Variants in INTU observed in about 807,000 individuals in gnomAD.
INTU encodes the protein protein inturned.
In INTU, 68 loss-of-function variants were observed where a neutral mutation model predicts 100.5. The observed-to-expected ratio is 0.68, with a 90% CI of 0.56 to 0.83. INTU has a LOEUF of 0.83. Ranked by LOEUF, INTU falls within the 40% of genes least tolerant of loss-of-function variation. The probability of loss-of-function intolerance (pLI) is 0.00; values close to 1 mark genes in which losing one functional copy is unlikely to be tolerated. For missense variants in INTU, 1,071 were observed against 1,114.7 expected (o/e 0.96, Z 0.56); for synonymous variants, 357 against 395.7 (o/e 0.90, Z 1.16).
chr4:127,643,848 CA>C lies in INTU; in HGVS notation c.477del (p.Asp160MetfsTer2). 6.2e-7 allele frequency: 1 copy of C among 1,614,014 alleles called. No individual in the cohort carries two copies. On this transcript the variant is annotated frameshift_variant, in exon 2 of 16. Coordinates refer to ENST00000335251, the MANE Select transcript of INTU (RefSeq NM_015693.4). LOFTEE classifies it high-confidence loss of function. Reference protein sequence around the residue: ...KTGVIVQQRYKDVNVYVNPKK... With the variant: ...KTGVIVQQRYXDVNVYVNPKK... Reference sequence around the variant, plus strand: ...CAGGAGTCATTGTCCAACAGCGATACAAAGATGTGAATGTTTATGTAAACCC... The same window carrying C: ...CAGGAGTCATTGTCCAACAGCGATACAAGATGTGAATGTTTATGTAAACCC...
intron 12 of INTU, among the ~76,000 whole-genome samples, chr4:127,708,119 G>C (rs1730962371): frequency 6.6e-6 from 1 of 152,096 alleles, no homozygotes; most frequent in South Asian, 2.1e-4. Context: ...AAAAAGATTT[G>C]GACAGATTAA....
In INTU at chr4:127,705,442, C is replaced by G. The variant is rs957382732; in HGVS notation, c.1567-149C>G. On this transcript the variant is annotated intron_variant, in intron 10 of 15. Transcript: ENST00000335251. ...TCTACTTTGACCTCAAGAAAAGAAA[C>G]ATTTACTTTTACTATATCTTCATTT... The G allele has an allele frequency of 1.2e-5, 8 of 650,524 alleles. No homozygotes were observed. The African/African-American group carries it at 1.3e-4, about 10-fold the overall frequency. 40.3% of individuals were successfully genotyped at this position (650,524 alleles called of 1,614,324 possible).
At chr4:127,640,962 A>G (rs1004506934) in intron 1 of INTU, among the ~76,000 whole-genome samples, 2 of 152,174 alleles carry the variant, frequency 1.3e-5, no homozygotes, top group South Asian at 4.1e-4. Flanking sequence ...TACTCACAAA[A>G]GGATGCATGA....
At chr4:127,705,956 T>C in intron 11 of INTU, 144 bp downstream of exon 11, 1 of 637,706 alleles carries the variant, frequency 1.6e-6, no homozygotes, top group Non-Finnish European at 2.7e-6. Context: ...GTAAAATTAT[T>C]AGTATGTCTA....
chr4:127,645,114 A>G (rs1189774195), intron 2 of INTU, among the ~76,000 whole-genome samples: 2 of 152,154 alleles, frequency 1.3e-5, no homozygotes, highest in African/African-American at 2.4e-5. Flanking sequence ...GTGGCAAAGT[A>G]TGTGTTCCAG....
chr4:127,682,063 C>T (rs1447383612), intron 6 of INTU, among the ~76,000 whole-genome samples: 2 of 150,308 alleles, frequency 1.3e-5, no homozygotes, highest in Admixed American at 1.3e-4. Flanking sequence ...GATACCGTCT[C>T]ACACCAGTTA....
At chr4:127,697,889 G>A (rs1373159226) in intron 8 of INTU, among the ~76,000 whole-genome samples, 2 of 152,166 alleles carry the variant, frequency 1.3e-5, no homozygotes, top group African/African-American at 4.8e-5. Context: ...GGTAGGCTGA[G>A]GTGGACAGAT....
chr4:127,706,662 C>T lies in INTU; in HGVS notation c.1964C>T (p.Ser655Phe). The T allele has an allele frequency of 6.2e-7, 1 of 1,614,018 alleles. No individual in the cohort carries two copies. Among genetic ancestry groups the T allele is most frequent in the Non-Finnish European group, 8.5e-7 (1 of 1,179,948 alleles). The change falls in exon 12 of 16, where the codon TCT (serine) becomes TTT (phenylalanine). Residue 655 changes from serine to phenylalanine, a missense_variant. Ser to Phe is a radical substitution (Grantham distance 155, BLOSUM62 -2). Coordinates refer to ENST00000335251, the MANE Select transcript of INTU (RefSeq NM_015693.4). ...GCATCTTCTCCAGTCCCCTGTTTGT[C>T]TTGTGCTGACTGGTTCCTTACTGGA... ...RLASSPVPCL[S>F]CADWFLTGSR...
intron 1 of INTU, among the ~76,000 whole-genome samples, chr4:127,637,155 GTTGCCTC>G (rs1460331768): frequency 1.3e-5 from 2 of 152,190 alleles, no homozygotes; most frequent in East Asian, 3.9e-4. Flanking sequence ...TACTTAAAAG[GTTGCCTC>G]TTGCCTCTTG....
At chr4:127,645,664 G>A (rs1337007144) in intron 2 of INTU, among the ~76,000 whole-genome samples, 3 of 151,998 alleles carry the variant, frequency 2.0e-5, no homozygotes, top group South Asian at 4.2e-4. Flanking sequence ...GGGTTCAAGC[G>A]ATTCTTCTGC....
chr4:127,714,228 T>C, intron 15 of INTU, 135 bp downstream of exon 15: 1 of 558,646 alleles, frequency 1.8e-6, no homozygotes, highest in Non-Finnish European at 2.9e-6. Flanking sequence ...TTTCATTTTA[T>C]TTGCTAAGTA....
At chr4:127,654,458 A>G (rs1173844561) in intron 2 of INTU, among the ~76,000 whole-genome samples, 3 of 152,116 alleles carry the variant, frequency 2.0e-5, no homozygotes, top group African/African-American at 4.8e-5. Context: ...TCTGTAAAGT[A>G]TTTTATTTCT....
At chr4:127,697,614 A>T (rs2148723020) in intron 8 of INTU, among the ~76,000 whole-genome samples, 1 of 152,186 alleles carries the variant, frequency 6.6e-6, no homozygotes, top group Admixed American at 6.6e-5. Flanking sequence ...CTCTAGGTTC[A>T]TCTGTGTTGT....
At position 127,715,121 on chromosome 4, in the gene INTU, G is replaced by A. The variant is rs1035752936; in HGVS notation, c.2717+1028G>A. 5.9e-5 allele frequency among the ~76,000 whole-genome samples: 9 copies of A among 151,950 alleles called. No homozygotes were observed. In the East Asian group the frequency reaches 1.7e-3, roughly 29 times the overall value. ...AATACTATAGGAATTCTGAGGAGGG[G>A]GCAAAATCTAATGAACAAAGATGCG... is the stretch of plus-strand genomic sequence containing the variant. On this transcript the variant is annotated intron_variant, in intron 15 of 15. Coordinates refer to ENST00000335251, the MANE Select transcript of INTU (RefSeq NM_015693.4).
At chr4:127,659,868 C>T (rs2126196710) in intron 3 of INTU, among the ~76,000 whole-genome samples, 1 of 152,226 alleles carries the variant, frequency 6.6e-6, no homozygotes, top group East Asian at 1.9e-4. Flanking sequence ...GGAAATGATT[C>T]TTGAGTGGAG....
In INTU at chr4:127,721,260, G is replaced by A. The variant is rs1189653010; in HGVS notation, c.*4824G>A. ...AGTTCAGCCAGATATGAAATTCTAGGTTGGAAATTCTTTCCTTTAAGAATG... is the reference window on the plus strand; with the variant it reads ...AGTTCAGCCAGATATGAAATTCTAGATTGGAAATTCTTTCCTTTAAGAATG... On this transcript the variant is annotated 3_prime_UTR_variant, in exon 16 of 16. Transcript: ENST00000335251. 1 of 152,140 alleles carries A rather than the reference G, an allele frequency of 6.6e-6. No individual in the cohort carries two copies. The highest frequency in any genetic ancestry group is 1.5e-5 in the Non-Finnish European group (1 of 68,018). 9.4% of individuals were successfully genotyped at this position (152,140 alleles called of 1,614,324 possible).
chr4:127,715,407 T>C (rs897948813), intron 15 of INTU, among the ~76,000 whole-genome samples: 8 of 152,188 alleles, frequency 5.3e-5, no homozygotes, highest in African/African-American at 1.9e-4. Context: ...GAAATTCCCA[T>C]GTGCTAGTCC....
chr4:127,648,779 G>C (rs1459248254), intron 2 of INTU, among the ~76,000 whole-genome samples: 1 of 148,488 alleles, frequency 6.7e-6, no homozygotes, highest in Non-Finnish European at 1.5e-5. Flanking sequence ...TAGTACTTTT[G>C]TTTAATCTCT....
At chr4:127,650,876 G>A (rs903315983) in intron 2 of INTU, among the ~76,000 whole-genome samples, 1 of 152,186 alleles carries the variant, frequency 6.6e-6, no homozygotes, top group Non-Finnish European at 1.5e-5. Context: ...ATCCTGTCCA[G>A]CACCTGTTGT....
Sources: gnomAD v4.1 joint callset for allele counts (sites outside exome capture counted in the v4.1 genomes callset) on GRCh38, gnomAD v4.1.1 for gene constraint, MANE v1.5 for transcripts, NCBI Gene and HGNC (gene_info 2026-07-23, HGNC 2026-07-21) for gene names.